Variants in GRAP2 observed in about 807,000 individuals in gnomAD.
GRAP2 encodes GRB2 related adaptor protein 2.
A neutral mutation model predicts 43.5 loss-of-function variants in GRAP2; 31 were observed. The observed-to-expected ratio is 0.71, with a 90% CI of 0.54 to 0.96. The LOEUF (loss-of-function observed/expected upper bound fraction) is 0.96. Among genes scored for constraint, GRAP2 ranks in the 40% least tolerant of loss-of-function variants. GRAP2 has a pLI of 0.00. For missense variants in GRAP2, 371 were observed against 424.4 expected, an observed-to-expected ratio of 0.87 and a Z score of 1.11; for synonymous variants, 156 against 164.8, an observed-to-expected ratio of 0.95 and a Z score of 0.41.
chr22:39,913,004 C>T (rs2066577961), intron 1 of GRAP2, among the ~76,000 whole-genome samples: 1 of 151,866 alleles, frequency 6.6e-6, no homozygotes, highest in Admixed American at 6.6e-5. Context: ...ACCAGCCTGG[C>T]CAACATGGTG....
At chr22:39,920,943 G>GAC (rs137974) in intron 1 of GRAP2, among the ~76,000 whole-genome samples, 7,780 of 142,468 alleles carry the variant, frequency 0.055, 261 homozygotes, top group Non-Finnish European at 0.068. Context: ...TCTCTACACA[G>GAC]ACACACACAC....
chr22:39,947,711 A>C (rs1181206734), intron 2 of GRAP2: 1 of 155,334 alleles, frequency 6.4e-6, no homozygotes, highest in African/African-American at 2.4e-5. Context: ...AACAAAGGCC[A>C]TGCACACCTG....
intron 3 of GRAP2, 104 bp downstream of exon 3, chr22:39,956,014 A>G (rs2067046108): frequency 2.9e-6 from 2 of 694,946 alleles, no homozygotes; most frequent in South Asian, 3.1e-5. Context: ...ATTGTCAAAA[A>G]TGGCTGCCTC....
chr22:39,966,121 A>G lies in GRAP2; in HGVS notation c.422A>G (p.Lys141Arg). The part of the protein sequence containing the change: ...YYRTNSISRQ[K>R]QIFLRDRTRE... ...AGGACAAATTCCATCTCCAGACAGAAGCAGATCTTCCTTAGAGACAGAACC... is the reference window on the plus strand; with the variant it reads ...AGGACAAATTCCATCTCCAGACAGAGGCAGATCTTCCTTAGAGACAGAACC... The change falls in exon 5 of 8, where the codon AAG (lysine) becomes AGG (arginine). Residue 141 changes from lysine (K) to arginine (R), a missense_variant. Lys to Arg is a conservative substitution (Grantham distance 26). Transcript: ENST00000344138. The G allele has an allele frequency of 6.2e-7, 1 of 1,614,150 alleles. No homozygotes were observed. The highest frequency in any genetic ancestry group is 8.5e-7 in the Non-Finnish European group (1 of 1,179,964).
At chr22:39,924,010 C>T (rs1279494061) in intron 1 of GRAP2, among the ~76,000 whole-genome samples, 5 of 152,126 alleles carry the variant, frequency 3.3e-5, no homozygotes, top group African/African-American at 4.8e-5. Context: ...AAAAACTGAA[C>T]GTAGGGGGCC....
intron 1 of GRAP2, among the ~76,000 whole-genome samples, chr22:39,940,455 A>C (rs1287771407): frequency 6.7e-6 from 1 of 149,938 alleles, no homozygotes; most frequent in Non-Finnish European, 1.5e-5. Context: ...AAGAATATTT[A>C]AGCAGTGGCT....
chr22:39,971,344 A>AG lies in GRAP2; in HGVS notation c.*266dup. 1 of 461,942 alleles carries AG rather than the reference A, an allele frequency of 2.2e-6. No homozygotes were observed. The highest frequency in any genetic ancestry group is 3.8e-6 in the Non-Finnish European group (1 of 265,236). The allele number at this position is 461,942 out of a possible 1,614,324, so 28.6% of individuals were successfully genotyped here. On this transcript the variant is annotated 3_prime_UTR_variant, in exon 8 of 8. Transcript: ENST00000344138. ...TGTGGAAGGCAGTGGGGGAGTTGGG[A>AG]GGGGGGCAGGGAAATGAAATGGAGT...
chr22:39,958,206 C>T (rs1400432722), intron 3 of GRAP2, among the ~76,000 whole-genome samples: 1 of 152,122 alleles, frequency 6.6e-6, no homozygotes, highest in Non-Finnish European at 1.5e-5. Flanking sequence ...TCCCACTGCC[C>T]TGGCTTCTCC....
At chr22:39,940,698 A>C (rs2066859343) in intron 1 of GRAP2, among the ~76,000 whole-genome samples, 1 of 152,066 alleles carries the variant, frequency 6.6e-6, no homozygotes, top group African/African-American at 2.4e-5. Flanking sequence ...AGGGAAGTCC[A>C]CTCAGGAGGA....
rs5995790 is a variant in GRAP2 at position 39,963,999 on chromosome 22, G to A, written c.291-1991G>A. On this transcript the variant is annotated intron_variant, in intron 4 of 7. Coordinates refer to ENST00000344138, the MANE Select transcript of GRAP2 (RefSeq NM_004810.4). ...CCACTGCACTCCAGCCTGGGCGACAGAGCGAGACTCTGACTCAAAAAGAAA... is the reference window on the plus strand; with the variant it reads ...CCACTGCACTCCAGCCTGGGCGACAAAGCGAGACTCTGACTCAAAAAGAAA... 7.7e-3 allele frequency: 1,384 copies of A among 178,610 alleles called. 23 individuals carry two copies. The highest frequency in any genetic ancestry group is 0.032 in the African/African-American group (1,324 of 41,794). The allele number at this position is 178,610 out of a possible 1,614,324, so 11.1% of individuals were successfully genotyped here.
intron 3 of GRAP2, 80 bp downstream of exon 3, chr22:39,955,990 T>C (rs966498231): frequency 2.6e-6 from 2 of 773,344 alleles, no homozygotes; most frequent in African/African-American, 3.4e-5. Context: ...CAGTTATCCA[T>C]GGGAACCCAA....
chr22:39,969,916 AAAAACAAAAC>A (rs749695383), intron 7 of GRAP2, among the ~76,000 whole-genome samples: 5 of 152,250 alleles, frequency 3.3e-5, no homozygotes, highest in African/African-American at 7.2e-5. Flanking sequence ...CTCCGTCTCA[AAAAACAAAAC>A]AAAACAAAAC....
In GRAP2 at chr22:39,907,327, C is replaced by T. The variant is rs567683197; in HGVS notation, c.-15+5997C>T. Among the ~76,000 whole-genome samples the T allele has an allele frequency of 1.3e-4, 20 of 152,286 alleles. No individual in the cohort carries two copies. The East Asian group carries it at 1.5e-3, about 12-fold the overall frequency. On this transcript the variant is annotated intron_variant, in intron 1 of 7. Transcript: ENST00000344138. The stretch of plus-strand genomic sequence containing the variant: ...CCAACGATGCCTAGCACTTATCCTA[C>T]GCAACTTTGTACAGAATTTCCGTGG...
chr22:39,941,479 A>G (rs1158187447), intron 1 of GRAP2, among the ~76,000 whole-genome samples: 1 of 152,270 alleles, frequency 6.6e-6, no homozygotes, highest in Non-Finnish European at 1.5e-5. Context: ...GGATATAGAT[A>G]TAAATGTATA....
At chr22:39,896,827 A>G (rs1176707382), upstream of GRAP2, among the ~76,000 whole-genome samples, 1 of 152,200 alleles carries the variant, frequency 6.6e-6, no homozygotes, top group East Asian at 1.9e-4. Context: ...CATCCACTAA[A>G]TACAAATATT....
chr22:39,925,235 A>G (rs1230793815), intron 1 of GRAP2, among the ~76,000 whole-genome samples: 1 of 152,200 alleles, frequency 6.6e-6, no homozygotes, highest in Non-Finnish European at 1.5e-5. Context: ...TTAATTGGAC[A>G]TGTTTCAGAC....
the GRAP2 span, among the ~76,000 whole-genome samples, chr22:39,895,672 T>C: frequency 6.6e-6 from 1 of 152,228 alleles, no homozygotes; most frequent in South Asian, 2.1e-4. Context: ...TTGTGGAATA[T>C]GCATACATTC....
chr22:39,963,512 G>A (rs1208967561), intron 4 of GRAP2, among the ~76,000 whole-genome samples: 1 of 152,186 alleles, frequency 6.6e-6, no homozygotes, highest in African/African-American at 2.4e-5. Context: ...TGTTGTCTTA[G>A]AATGAAGAAA....
chr22:39,913,417 G>GT (rs1403282651), intron 1 of GRAP2, among the ~76,000 whole-genome samples: 1 of 152,192 alleles, frequency 6.6e-6, no homozygotes, highest in Admixed American at 6.5e-5. Context: ...GGTAAATCCA[G>GT]TAAGATGAAG....
Sources: allele counts gnomAD v4.1 joint callset (sites outside exome capture counted in the v4.1 genomes callset), GRCh38; gene constraint gnomAD v4.1.1; transcripts MANE v1.5; gene names NCBI Gene and HGNC (gene_info 2026-07-23, HGNC 2026-07-21).